The following ADAM28 variants were observed in gnomAD, a reference collection of about 807,000 sequenced individuals.
ADAM28 encodes disintegrin and metalloproteinase domain-containing protein 28.
A neutral mutation model predicts 101.2 loss-of-function variants in ADAM28; 105 were observed. The observed-to-expected ratio is 1.04, with a 90% confidence interval of 0.89 to 1.22. The LOEUF is 1.22. ADAM28 is among the 50% of genes most tolerant of loss of function. ADAM28 has a pLI of 0.00. For synonymous variants in ADAM28, 322 were observed against 310.6 expected (o/e 1.04, Z -0.39); for missense variants, 1,028 against 945.4 (o/e 1.09, Z -1.15).
chr8:24,320,211 A>AGTAAT, intron 6 of ADAM28, 25 bp from the exon 7 acceptor site: 1 of 1,477,462 alleles, frequency 6.8e-7, no homozygotes, highest in Non-Finnish European at 9.4e-7. Context: ...ATATTGTATC[A>AGTAAT]GTAATTCTAC....
chr8:24,335,757 C>G, intron 14 of ADAM28, 116 bp downstream of exon 14: 1 of 1,296,410 alleles, frequency 7.7e-7, no homozygotes, highest in Non-Finnish European at 9.8e-7. Flanking sequence ...GCTTTGAACT[C>G]AAAATCATGG....
At chr8:24,332,564 G>A (rs1330028876) in intron 12 of ADAM28, 96 bp from the exon 13 acceptor site, 15 of 591,802 alleles carry the variant, frequency 2.5e-5, no homozygotes, top group Non-Finnish European at 4.1e-5. Context: ...CTCCACGAAA[G>A]TAACATATGC....
At chr8:24,329,536 G>C (rs1217639279) in intron 10 of ADAM28, among the ~76,000 whole-genome samples, 1 of 152,128 alleles carries the variant, frequency 6.6e-6, no homozygotes, top group Non-Finnish European at 1.5e-5. Flanking sequence ...ATTGACTGAT[G>C]TCTGTCTACT....
At chr8:24,313,664 T>C (rs574189121) in intron 6 of ADAM28, 84 bp downstream of exon 6, 59 of 1,401,364 alleles carry the variant, frequency 4.2e-5, no homozygotes, top group Admixed American at 8.4e-5. Flanking sequence ...ACTGAAACTA[T>C]AGTCATTGTC....
rs1563290602 is a variant in ADAM28 at position 24,321,309 on chromosome 8, C to T, written c.720+20C>T. 1 of 1,569,168 alleles carries T rather than the reference C, an allele frequency of 6.4e-7. No individual in the cohort carries two copies. The highest frequency in any genetic ancestry group is 8.8e-7 in the Non-Finnish European group (1 of 1,140,210). Reference sequence around the variant, plus strand: ...AACATGGTAAGACATATTTTATTACCTGCAGTTTTAAACAGTTTGCTGGGA... The same window carrying T: ...AACATGGTAAGACATATTTTATTACTTGCAGTTTTAAACAGTTTGCTGGGA... On this transcript the variant is annotated intron_variant, in intron 8 of 22. Coordinates refer to ENST00000265769, the MANE Select transcript of ADAM28 (RefSeq NM_014265.6).
chr8:24,297,475 G>A (rs1334443203), intron 1 of ADAM28, among the ~76,000 whole-genome samples: 1 of 152,152 alleles, frequency 6.6e-6, no homozygotes, highest in East Asian at 1.9e-4. Flanking sequence ...AATCGGGAAC[G>A]TAGCTATTAT....
chr8:24,303,580 C>T (rs1159421896), intron 2 of ADAM28, among the ~76,000 whole-genome samples: 1 of 152,074 alleles, frequency 6.6e-6, no homozygotes, highest in Non-Finnish European at 1.5e-5. Flanking sequence ...AGTATAATGC[C>T]TCCAGCTTTG....
chr8:24,341,676 G>A lies in ADAM28; in HGVS notation c.1749G>A (p.Leu583=). The change falls in exon 16 of 23, where the codon CTG becomes CTA. Residue 583 remains leucine (L), a synonymous_variant. Coordinates refer to ENST00000265769, the MANE Select transcript of ADAM28 (RefSeq NM_014265.6). ...GGAAAGGACGGATAGTGACTTTCCT[G>A]ACATGTAAAACATTTGATCCTGAAG... ...LPWKGRIVTF[L]TCKTFDPEDT... is the part of the protein sequence containing the mutation. 6.2e-7 allele frequency: 1 copy of A among 1,613,922 alleles called. No homozygotes were observed. Among genetic ancestry groups the A allele is most frequent in the Non-Finnish European group, 8.5e-7 (1 of 1,179,846 alleles).
chr8:24,331,581 T>A (rs1304955441), intron 12 of ADAM28, among the ~76,000 whole-genome samples: 1 of 152,096 alleles, frequency 6.6e-6, no homozygotes, highest in Non-Finnish European at 1.5e-5. Flanking sequence ...TTGGGCCTTG[T>A]GTCCTCGTCC....
intron 10 of ADAM28, 39 bp from the exon 11 acceptor site, chr8:24,329,946 C>A (rs368566469): frequency 1.8e-4 from 285 of 1,574,018 alleles, no homozygotes; most frequent in Non-Finnish European, 2.3e-4. Context: ...TAATTTCATT[C>A]GAAAATCAGA....
intron 4 of ADAM28, among the ~76,000 whole-genome samples, chr8:24,310,894 A>G (rs2129265880): frequency 6.6e-6 from 1 of 152,322 alleles, no homozygotes; most frequent in East Asian, 1.9e-4. Context: ...GAGGCAAGAA[A>G]TGTGCTGATC....
Position 24,352,061 on chromosome 8 carries a change from G to A in ADAM28, c.2244+9G>A, listed in dbSNP as rs1353088943. The A allele has an allele frequency of 1.2e-6, 2 of 1,613,164 alleles. 1 individual carries two copies. Among genetic ancestry groups the A allele is most frequent in the African/African-American group, 2.7e-5 (2 of 74,866 alleles). ...AGCCCCCAGCCTCTTTTGTGAGTTA[G>A]CAACTTCTCTTAAATACCACCCTAG... On this transcript the variant is annotated intron_variant, in intron 21 of 22. Transcript: ENST00000265769.
Position 24,357,087 on chromosome 8 carries a change from A to G in ADAM28, c.*2683A>G, listed in dbSNP as rs1450536898. 1 of 151,262 alleles carries G rather than the reference A, an allele frequency of 6.6e-6. No individual in the cohort carries two copies. 9.4% of individuals were successfully genotyped at this position (151,262 alleles called of 1,614,324 possible). ...GAGCCCCTGAGTTCAACGACCCTCA[A>G]ATGAAGTGAAGTCTACCAATAACCA... On this transcript the variant is annotated 3_prime_UTR_variant, in exon 23 of 23. Coordinates refer to ENST00000265769, the MANE Select transcript of ADAM28 (RefSeq NM_014265.6).
intron 15 of ADAM28, among the ~76,000 whole-genome samples, chr8:24,340,654 A>G (rs1272635827): frequency 2.6e-5 from 4 of 152,186 alleles, no homozygotes; most frequent in Non-Finnish European, 5.9e-5. Flanking sequence ...GTCATTGGCT[A>G]TAGTGAAGAG....
chr8:24,351,808 G>T (rs982308785), intron 20 of ADAM28, among the ~76,000 whole-genome samples, 179 bp from the exon 21 acceptor site: 1 of 19,810 alleles, frequency 5.0e-5, no homozygotes, highest in African/African-American at 1.3e-4. Context: ...TTTCATTACA[G>T]CTCTGGGAAA....
At chr8:24,315,782 TCAA>T (rs1238019867) in intron 6 of ADAM28, among the ~76,000 whole-genome samples, 1 of 151,886 alleles carries the variant, frequency 6.6e-6, no homozygotes, top group Non-Finnish European at 1.5e-5. Flanking sequence ...CAAATCAAAT[TCAA>T]CAACACATCC....
chr8:24,346,038 C>G (rs1815363003), intron 18 of ADAM28, among the ~76,000 whole-genome samples: 1 of 152,020 alleles, frequency 6.6e-6, no homozygotes, highest in Admixed American at 6.6e-5. Context: ...AAGCCTCAGA[C>G]AGACTGAGGA....
At chr8:24,353,698 A>C in intron 21 of ADAM28, 72 bp from the exon 22 acceptor site, 2 of 1,019,008 alleles carry the variant, frequency 2.0e-6, no homozygotes, top group Non-Finnish European at 3.0e-6. Flanking sequence ...TTCATTAAGG[A>C]AATAAATATA....
chr8:24,354,385 A>G lies in ADAM28; in HGVS notation c.2309A>G (p.Asp770Gly), dbSNP rs1265489062. Residue 770 changes from aspartate (D) to glycine (G), a missense_variant and splice_region_variant, in exon 23 of 23, where the codon GAC becomes GGC. Transcript: ENST00000265769. ...ATTTAGAAGTTATGTCTTTTTTAGG[A>G]CTCAAATCCAAAAGCATGAAGCAAC... ...FKDNPVSTPK[D>G]SNPKA The G allele has an allele frequency of 5.7e-6, 9 of 1,586,990 alleles. No individual in the cohort carries two copies. Among genetic ancestry groups the G allele is most frequent in the Non-Finnish European group, 6.9e-6 (8 of 1,166,884 alleles).
Sources: allele counts gnomAD v4.1 joint callset (sites outside exome capture counted in the v4.1 genomes callset), GRCh38; gene constraint gnomAD v4.1.1; transcripts MANE v1.5; gene names NCBI Gene and HGNC (gene_info 2026-07-23, HGNC 2026-07-21).